The following ASAP1 variants were observed in gnomAD, a reference collection of about 807,000 sequenced individuals.
ASAP1 encodes the protein arf-GAP with SH3 domain, ANK repeat and PH domain-containing protein 1.
In ASAP1, 43 loss-of-function variants were observed where a neutral mutation model predicts 145.2. The observed-to-expected ratio is 0.30, with a 90% CI of 0.23 to 0.38. The LOEUF is 0.38. Among genes scored for constraint, ASAP1 ranks in the 10% least tolerant of loss-of-function variants. The pLI is 1.00. For synonymous variants in ASAP1, 546 were observed against 515.5 expected (o/e 1.06, Z -0.80); for missense variants, 1,018 against 1,355.3 (o/e 0.75, Z 3.91).
intron 12 of ASAP1, among the ~76,000 whole-genome samples, chr8:130,153,364 T>A (rs1449078671): frequency 7.5e-5 from 6 of 79,810 alleles, no homozygotes; most frequent in African/African-American, 2.5e-4. Context: ...TATATGTATA[T>A]ATATATATAT....
intron 4 of ASAP1, among the ~76,000 whole-genome samples, chr8:130,235,784 T>C (rs917639514): frequency 1.3e-5 from 2 of 152,142 alleles, no homozygotes; most frequent in African/African-American, 4.8e-5. Flanking sequence ...TCCAGTTTCA[T>C]TTGGCTAGGG....
At position 130,115,698 on chromosome 8, in the gene ASAP1, A is replaced by C. The variant is rs1054171368; in HGVS notation, c.2102T>G (p.Val701Gly). ...QAKSGKFNPH[V>G]HVEYEWNLRQ... ...AAGATTCCACTCATATTCTACGTGG[A>C]CGTGTGGATTGAACTTTCCAGATTT... The change falls in exon 23 of 30, where the codon GTC (valine) becomes GGC (glycine). Residue 701 changes from valine (V) to glycine (G), a missense_variant. This residue lies in a region of ASAP1 where 353 missense variants were observed against 375.4 expected (regional missense o/e 0.94). Coordinates refer to ENST00000518721, the MANE Select transcript of ASAP1 (RefSeq NM_018482.4). 1 of 1,614,186 alleles carries C rather than the reference A, an allele frequency of 6.2e-7. No individual in the cohort carries two copies. The highest frequency in any genetic ancestry group is 8.5e-7 in the Non-Finnish European group (1 of 1,180,012).
At position 130,215,008 on chromosome 8, in the gene ASAP1, C is replaced by T. The variant is rs181495190; in HGVS notation, c.260-307G>A. ...CTCCGCCTCCCAGGATCAAGTGATTCTCCTGCCTCAGCCTCTTGAGTAGCT... is the reference window on the plus strand; with the variant it reads ...CTCCGCCTCCCAGGATCAAGTGATTTTCCTGCCTCAGCCTCTTGAGTAGCT... On this transcript the variant is annotated intron_variant, in intron 4 of 29. Transcript: ENST00000518721. Among the ~76,000 whole-genome samples the T allele has an allele frequency of 7.8e-4, 118 of 152,116 alleles. 1 individual carries two copies. Among genetic ancestry groups the T allele is most frequent in the South Asian group, 5.0e-3 (24 of 4,808 alleles).
intron 3 of ASAP1, among the ~76,000 whole-genome samples, chr8:130,338,519 G>C (rs1306793339): frequency 1.3e-5 from 2 of 152,172 alleles, no homozygotes; most frequent in African/African-American, 4.8e-5. Flanking sequence ...CTCCCCAATA[G>C]CTTTACTGCC....
rs989225959 is a variant in ASAP1 at position 130,054,520 on chromosome 8, G to C, written c.*211C>G. ...TGCCAAGGATGGCTTTGGCAAACCA[G>C]TAAGGCGCGCCGGGTCCGAGGCTAC... On this transcript the variant is annotated 3_prime_UTR_variant, in exon 30 of 30. Transcript: ENST00000518721. 6.4e-6 allele frequency: 3 copies of C among 471,176 alleles called. No individual in the cohort carries two copies. Among genetic ancestry groups the C allele is most frequent in the African/African-American group, 3.9e-5 (2 of 51,062 alleles). The allele number at this position is 471,176 out of a possible 1,614,324, so 29.2% of individuals were successfully genotyped here.
At chr8:130,268,806 T>C (rs907444122) in intron 3 of ASAP1, among the ~76,000 whole-genome samples, 1 of 152,166 alleles carries the variant, frequency 6.6e-6, no homozygotes, top group Non-Finnish European at 1.5e-5. Context: ...TAAGAATCAT[T>C]TGCAGTCTCC....
intron 13 of ASAP1, among the ~76,000 whole-genome samples, chr8:130,148,243 G>C (rs566845588): frequency 5.9e-5 from 9 of 152,290 alleles, no homozygotes; most frequent in African/African-American, 2.2e-4. Flanking sequence ...CTATGATACA[G>C]TAGAAAGAGT....
intron 1 of ASAP1, among the ~76,000 whole-genome samples, chr8:130,422,920 T>A (rs1211004159): frequency 6.6e-6 from 1 of 152,172 alleles, no homozygotes; most frequent in Non-Finnish European, 1.5e-5. Context: ...CAAATATCCA[T>A]CTGCTTCACC....
At chr8:130,410,733 G>A (rs1829230985) in intron 1 of ASAP1, among the ~76,000 whole-genome samples, 1 of 152,240 alleles carries the variant, frequency 6.6e-6, no homozygotes, top group Admixed American at 6.5e-5. Flanking sequence ...CCAGGGCTGG[G>A]GGAATTTCCC....
intron 4 of ASAP1, among the ~76,000 whole-genome samples, chr8:130,226,105 A>G (rs1817571425): frequency 6.7e-6 from 1 of 150,342 alleles, no homozygotes; most frequent in Non-Finnish European, 1.5e-5. Flanking sequence ...CTCAAAATCC[A>G]GCCCTCAGGC....
chr8:130,345,510 C>T (rs1825655320), intron 3 of ASAP1, among the ~76,000 whole-genome samples: 1 of 152,138 alleles, frequency 6.6e-6, no homozygotes, highest in Non-Finnish European at 1.5e-5. Flanking sequence ...GATTCTCTTC[C>T]GTTTACTTGC....
chr8:130,190,629 T>C (rs930029152), intron 5 of ASAP1, among the ~76,000 whole-genome samples: 1 of 152,206 alleles, frequency 6.6e-6, no homozygotes, highest in Non-Finnish European at 1.5e-5. Flanking sequence ...GCGATTCTCC[T>C]GTCTCAGCCT....
At chr8:130,300,149 C>G (rs200567631) in intron 3 of ASAP1, among the ~76,000 whole-genome samples, 2,051 of 87,714 alleles carry the variant, frequency 0.023, 30 homozygotes, top group African/African-American at 0.064. Context: ...CACACACACA[C>G]ACACAGAGAG....
chr8:130,117,582 AG>A (rs1368073265), intron 20 of ASAP1, among the ~76,000 whole-genome samples: 77 of 152,212 alleles, frequency 5.1e-4, no homozygotes, highest in African/African-American at 9.6e-5. Context: ...ACAGATAAAG[AG>A]AATAAAGAAT....
rs1378062106 is a variant in ASAP1, at chr8:130,140,370, TA to T, written c.1081-3333del. ...TTTCTTTCTTTCTTTCTTTTTTTTT[TA>T]AAAAAAAACTTTTAGGTTTGGGGGT... On this transcript the variant is annotated intron_variant, in intron 13 of 29. Transcript: ENST00000518721. 1.1e-4 allele frequency among the ~76,000 whole-genome samples: 16 copies of T among 150,836 alleles called. No homozygotes were observed. The East Asian group carries it at 2.1e-3, about 20-fold the overall frequency.
intron 3 of ASAP1, among the ~76,000 whole-genome samples, chr8:130,300,151 C>G (rs201451863): frequency 0.046 from 3,845 of 83,182 alleles, 131 homozygotes; most frequent in African/African-American, 0.13. Flanking sequence ...CACACACACA[C>G]ACAGAGAGAG....
At chr8:130,150,185 CAG>C (rs1463673786) in intron 13 of ASAP1, among the ~76,000 whole-genome samples, 18 of 152,202 alleles carry the variant, frequency 1.2e-4, no homozygotes, top group African/African-American at 4.3e-4. Flanking sequence ...AGACTCACAT[CAG>C]ACAGATGCCA....
chr8:130,142,111 C>A (rs1338759529), intron 13 of ASAP1, among the ~76,000 whole-genome samples: 1 of 152,276 alleles, frequency 6.6e-6, no homozygotes, highest in African/African-American at 2.4e-5. Flanking sequence ...TCTTCAGTTT[C>A]TTTTACTAAG....
chr8:130,068,955 C>T (rs1319988143), intron 27 of ASAP1, among the ~76,000 whole-genome samples: 1 of 152,174 alleles, frequency 6.6e-6, no homozygotes, highest in African/African-American at 2.4e-5. Context: ...ATTAAATTTG[C>T]TGTCTCAGCT....
Sources: gnomAD v4.1 joint callset for allele counts (sites outside exome capture counted in the v4.1 genomes callset) on GRCh38, gnomAD v4.1.1 for gene constraint, gnomAD v4.1.1 regional missense constraint, MANE v1.5 for transcripts, NCBI Gene and HGNC (gene_info 2026-07-23, HGNC 2026-07-21) for gene names.